KIRREL3: variants seen among roughly 807,000 people sequenced by gnomAD.
KIRREL3 encodes the protein kirre like nephrin family adhesion molecule 3, also known as kin of IRRE-like protein 3.
Under a neutral mutation model 89.7 loss-of-function variants are expected in KIRREL3, and 36 were observed. That is an observed-to-expected ratio of 0.40 (90% confidence interval 0.31 to 0.53). The LOEUF (loss-of-function observed/expected upper bound fraction) is 0.53. KIRREL3 is among the 20% of genes least tolerant of loss of function. The pLI is 0.49. For synonymous variants in KIRREL3, 445 were observed against 441.4 expected (o/e 1.01, Z -0.10); for missense variants, 864 against 1,056.6 (o/e 0.82, Z 2.53).
intron 1 of KIRREL3, among the ~76,000 whole-genome samples, chr11:126,693,579 G>T (rs988904899): frequency 6.7e-6 from 1 of 150,176 alleles, no homozygotes; most frequent in African/African-American, 2.5e-5. Flanking sequence ...TGTTACATCT[G>T]TATGCACATG....
rs960749330 is a variant in KIRREL3, at chr11:126,627,751, T to TG, written c.56-64840dup. Among the ~76,000 whole-genome samples, 1 of 152,044 alleles carries TG rather than the reference T, an allele frequency of 6.6e-6. No individual in the cohort carries two copies. The highest frequency in any genetic ancestry group is 1.5e-5 in the Non-Finnish European group (1 of 67,988). On this transcript the variant is annotated intron_variant, in intron 1 of 16. Coordinates refer to ENST00000525144, the MANE Select transcript of KIRREL3 (RefSeq NM_032531.4). The surrounding 1 kb of genome is among the most constrained non-coding windows in gnomAD (Gnocchi z 5.0). Reference sequence around the variant, plus strand: ...GAGGGAGGGAGAAGAATGTTCTTTATGGGGGGTGTTGGCAGGATTAGAGGG... The same window carrying TG: ...GAGGGAGGGAGAAGAATGTTCTTTATGGGGGGGTGTTGGCAGGATTAGAGGG...
chr11:126,732,720 G>A (rs1443863361), intron 1 of KIRREL3, among the ~76,000 whole-genome samples: 1 of 152,164 alleles, frequency 6.6e-6, no homozygotes, highest in African/African-American at 2.4e-5. Context: ...GACACTTTGA[G>A]GAAGGTAACC....
chr11:126,818,340 G>A (rs1204246610), intron 1 of KIRREL3, among the ~76,000 whole-genome samples: 1 of 152,196 alleles, frequency 6.6e-6, no homozygotes, highest in Non-Finnish European at 1.5e-5. Flanking sequence ...GGGAGGCAGT[G>A]TGGCAGAATA....
At position 126,896,513 on chromosome 11, in the gene KIRREL3, C is replaced by G. The variant is rs1414679413; in HGVS notation, c.55+103942G>C. Among the ~76,000 whole-genome samples, 1 of 152,170 alleles carries G rather than the reference C, an allele frequency of 6.6e-6. No individual in the cohort carries two copies. The highest frequency in any genetic ancestry group is 1.5e-5 in the Non-Finnish European group (1 of 68,014). ...TCTTTACTCTGAATGAGAAAAACAT[C>G]AAAATCTGAGAAGCAGGAGAGCTAA... is the stretch of plus-strand genomic sequence containing the variant. On this transcript the variant is annotated intron_variant, in intron 1 of 16. Transcript: ENST00000525144. This position sits in a 1 kb window ranked among gnomAD's most constrained non-coding sequence, Gnocchi z 4.1.
chr11:126,748,244 C>G lies in KIRREL3; in HGVS notation c.56-185332G>C, dbSNP rs1320569243. ...GGGTGTGCAGACAATCTCACTGTTT[C>G]ACCAGCCACTTCCTTTTACTCCCTT... On this transcript the variant is annotated intron_variant, in intron 1 of 16. Transcript: ENST00000525144. This position sits in a 1 kb window ranked among gnomAD's most constrained non-coding sequence, Gnocchi z 4.6. 6.6e-6 allele frequency among the ~76,000 whole-genome samples: 1 copy of G among 152,218 alleles called. No individual in the cohort carries two copies. The highest frequency in any genetic ancestry group is 1.5e-5 in the Non-Finnish European group (1 of 68,046).
chr11:126,553,783 A>G lies in KIRREL3; in HGVS notation c.133+9052T>C, dbSNP rs776050488. On this transcript the variant is annotated intron_variant, in intron 2 of 16. Transcript: ENST00000525144. The surrounding 1 kb of genome is among the most constrained non-coding windows in gnomAD (Gnocchi z 4.7). The stretch of plus-strand genomic sequence containing the variant: ...TTCTGCCTGGCCACTCGGCCAGGCC[A>G]TTGGTCACTGCCCATGATTCAGTAA... Among the ~76,000 whole-genome samples, 1 of 152,190 alleles carries G rather than the reference A, an allele frequency of 6.6e-6. No individual in the cohort carries two copies. The highest frequency in any genetic ancestry group is 1.9e-4 in the East Asian group (1 of 5,192).
Position 126,431,738 on chromosome 11 carries a change from G to A in KIRREL3, c.1589-212C>T, listed in dbSNP as rs943975506. 6.6e-6 allele frequency among the ~76,000 whole-genome samples: 1 copy of A among 152,170 alleles called. No homozygotes were observed. The highest frequency in any genetic ancestry group is 6.5e-5 in the Admixed American group (1 of 15,280). The stretch of plus-strand genomic sequence containing the variant: ...CCAGGGTGGAGGACACAGGGGCTTG[G>A]TGGGTGGAGGAGAGGGCAGGGGAAC... On this transcript the variant is annotated intron_variant, in intron 13 of 16. Coordinates refer to ENST00000525144, the MANE Select transcript of KIRREL3 (RefSeq NM_032531.4). This position sits in a 1 kb window ranked among gnomAD's most constrained non-coding sequence, Gnocchi z 7.1.
rs1419327683 is a variant in KIRREL3 at position 126,744,410 on chromosome 11, C to T, written c.56-181498G>A. Among the ~76,000 whole-genome samples the T allele has an allele frequency of 6.6e-6, 1 of 152,074 alleles. No individual in the cohort carries two copies. Among genetic ancestry groups the T allele is most frequent in the Admixed American group, 6.5e-5 (1 of 15,274 alleles). Reference sequence around the variant, plus strand: ...GGGAGGTCAGGACTGCCATACTGTCCCAGACATGCAGAACAGGCTGCTGGA... The same window carrying T: ...GGGAGGTCAGGACTGCCATACTGTCTCAGACATGCAGAACAGGCTGCTGGA... On this transcript the variant is annotated intron_variant, in intron 1 of 16. Transcript: ENST00000525144. This position sits in a 1 kb window ranked among gnomAD's most constrained non-coding sequence, Gnocchi z 4.7.
rs953740708 is a variant in KIRREL3 at position 126,427,483 on chromosome 11, G to A, written c.1806+1696C>T. ...AACATCTTGGAGTTGATTGTTATGG[G>A]AGAATGTGAGATTCAACAGACAAAA... On this transcript the variant is annotated intron_variant, in intron 15 of 16. Coordinates refer to ENST00000525144, the MANE Select transcript of KIRREL3 (RefSeq NM_032531.4). The surrounding 1 kb of genome is among the most constrained non-coding windows in gnomAD (Gnocchi z 5.3). Among the ~76,000 whole-genome samples the A allele has an allele frequency of 6.6e-6, 1 of 152,334 alleles. No individual in the cohort carries two copies. Among genetic ancestry groups the A allele is most frequent in the East Asian group, 1.9e-4 (1 of 5,186 alleles).
At chr11:126,603,420 C>T (rs766527181) in intron 1 of KIRREL3, among the ~76,000 whole-genome samples, 1 of 152,204 alleles carries the variant, frequency 6.6e-6, no homozygotes, top group Non-Finnish European at 1.5e-5. Context: ...GCATCATGGG[C>T]AGGACAGGGT....
At chr11:126,743,007 C>T (rs771764203) in intron 1 of KIRREL3, among the ~76,000 whole-genome samples, 4 of 152,176 alleles carry the variant, frequency 2.6e-5, no homozygotes, top group Non-Finnish European at 5.9e-5. Flanking sequence ...GAGATGAGGC[C>T]ATCAGTGAGG....
chr11:126,657,625 G>T (rs2134998464), intron 1 of KIRREL3, among the ~76,000 whole-genome samples: 1 of 152,246 alleles, frequency 6.6e-6, no homozygotes, highest in South Asian at 2.1e-4. Flanking sequence ...GGTGGAGTAG[G>T]GAGATGGAGA....
rs556218767 is a variant in KIRREL3, at chr11:126,451,201, ATG to A, written c.849-2046_849-2045del. Among the ~76,000 whole-genome samples the A allele has an allele frequency of 6.3e-4, 83 of 130,982 alleles. 1 individual carries two copies. In the South Asian group the frequency reaches 0.02, roughly 31 times the overall value. The allele number at this position is 130,982 out of a possible 152,430, so 85.9% of individuals were successfully genotyped here. A position where few individuals can be genotyped will look rare whatever the true frequency, so the allele number is the denominator to read the frequency against. On this transcript the variant is annotated intron_variant, in intron 7 of 16. Coordinates refer to ENST00000525144, the MANE Select transcript of KIRREL3 (RefSeq NM_032531.4). The stretch of plus-strand genomic sequence containing the variant: ...TGTGTGAATGTGGCCGTGTGTGTGC[ATG>A]TGTGTGCATGTGTGGGTGTGTGTAT...
intron 1 of KIRREL3, among the ~76,000 whole-genome samples, chr11:126,842,136 C>G (rs556589964): frequency 3.3e-5 from 5 of 152,170 alleles, no homozygotes; most frequent in Admixed American, 1.3e-4. Flanking sequence ...AGGGGAGCCG[C>G]TGAGCCTGCC....
At chr11:126,743,865 G>A (rs1465819189) in intron 1 of KIRREL3, among the ~76,000 whole-genome samples, 2 of 152,210 alleles carry the variant, frequency 1.3e-5, no homozygotes, top group Non-Finnish European at 2.9e-5. Flanking sequence ...TTGTAGGAGT[G>A]TGTGTGGTAT....
rs953760411 is a variant in KIRREL3 at position 126,985,631 on chromosome 11, A to G, written c.55+14824T>C. ...CAGGAGGCACGAGGGAGCAGAGCAC[A>G]TTCGGACAATGTCAGCGGCTCCGTG... On this transcript the variant is annotated intron_variant, in intron 1 of 16. Coordinates refer to ENST00000525144, the MANE Select transcript of KIRREL3 (RefSeq NM_032531.4). The surrounding 1 kb of genome is among the most constrained non-coding windows in gnomAD (Gnocchi z 5.3). 3.3e-4 allele frequency among the ~76,000 whole-genome samples: 50 copies of G among 152,118 alleles called. No homozygotes were observed. The highest frequency in any genetic ancestry group is 1.2e-3 in the African/African-American group (49 of 41,422).
intron 7 of KIRREL3, among the ~76,000 whole-genome samples, chr11:126,451,585 T>TGC (rs1476923664): frequency 2.3e-5 from 3 of 130,390 alleles, no homozygotes; most frequent in African/African-American, 8.2e-5. Flanking sequence ...TGTGTGTGCG[T>TGC]GTGTGTACAT....
Position 126,429,299 on chromosome 11 carries a change from A to C in KIRREL3, c.1697-11T>G. On this transcript the variant is annotated splice_polypyrimidine_tract_variant and intron_variant, in intron 14 of 16. Coordinates refer to ENST00000525144, the MANE Select transcript of KIRREL3 (RefSeq NM_032531.4). This position sits in a 1 kb window ranked among gnomAD's most constrained non-coding sequence, Gnocchi z 5.2. ...CAACACCTTTGAGATCTGGAGATAA[A>C]ATAGTAAAGTGTAGATGATAGATTT... is the stretch of plus-strand genomic sequence containing the variant. The C allele has an allele frequency of 6.4e-7, 1 of 1,573,460 alleles. No homozygotes were observed. The highest frequency in any genetic ancestry group is 8.7e-7 in the Non-Finnish European group (1 of 1,143,116).
chr11:126,724,388 T>C lies in KIRREL3; in HGVS notation c.56-161476A>G, dbSNP rs919951773. ...CCACACACATGCACATGCAGACTTA[T>C]TGTCATAGCTTGTATCTCTTATGGA... is the stretch of plus-strand genomic sequence containing the variant. On this transcript the variant is annotated intron_variant, in intron 1 of 16. Coordinates refer to ENST00000525144, the MANE Select transcript of KIRREL3 (RefSeq NM_032531.4). The surrounding 1 kb of genome is among the most constrained non-coding windows in gnomAD (Gnocchi z 4.3). Among the ~76,000 whole-genome samples, 3 of 152,164 alleles carry C rather than the reference T, an allele frequency of 2.0e-5. No individual in the cohort carries two copies. The highest frequency in any genetic ancestry group is 7.2e-5 in the African/African-American group (3 of 41,434).
Sources: gnomAD v4.1 joint callset for allele counts (sites outside exome capture counted in the v4.1 genomes callset) on GRCh38, gnomAD v4.1.1 for gene constraint, Gnocchi (gnomAD v3.1) non-coding constraint, MANE v1.5 for transcripts, NCBI Gene and HGNC (gene_info 2026-07-23, HGNC 2026-07-21) for gene names.